Variants in MYO1E observed in about 807,000 individuals in gnomAD.
MYO1E encodes myosin IE, also known as unconventional myosin-Ie.
MYO1E carries 68 observed loss-of-function variants against 151.1 expected under a neutral mutation model. The observed-to-expected ratio is 0.45, with a 90% CI of 0.37 to 0.55. The LOEUF (loss-of-function observed/expected upper bound fraction) is 0.55. Among genes scored for constraint, MYO1E ranks in the 20% least tolerant of loss-of-function variants. The pLI is 0.00. For missense variants in MYO1E, 1,363 were observed against 1,389.3 expected (o/e 0.98, Z 0.30); for synonymous variants, 601 against 501.7 (o/e 1.20, Z -2.64).
intron 17 of MYO1E, among the ~76,000 whole-genome samples, chr15:59,195,019 C>T (rs1375703892): frequency 1.3e-5 from 2 of 152,198 alleles, no homozygotes; most frequent in African/African-American, 4.8e-5. Flanking sequence ...TCACGAGGCA[C>T]AGCAAATGCT....
At position 59,231,744 on chromosome 15, in the gene MYO1E, G is replaced by C. The variant is rs768004097; in HGVS notation, c.468C>G (p.Phe156Leu). ...ILQSNPLLEA[F>L]GNAKTVRNNN... ...TGTTCCGGACGGTCTTGGCGTTCCC[G>C]AAGGCCTCCAGCAGCGGGTTGGACT... Residue 156 changes from phenylalanine (F) to leucine (L), a missense_variant, in exon 6 of 28, where the codon TTC becomes TTG. Phe to Leu is a conservative substitution (Grantham distance 22). Transcript: ENST00000288235. 3 of 1,614,156 alleles carry C rather than the reference G, an allele frequency of 1.9e-6. No homozygotes were observed. In the East Asian group the frequency reaches 6.7e-5, roughly 36 times the overall value.
chr15:59,279,630 T>C (rs2080341470), intron 1 of MYO1E, among the ~76,000 whole-genome samples: 1 of 152,024 alleles, frequency 6.6e-6, no homozygotes, highest in Admixed American at 6.5e-5. Flanking sequence ...ACTGGGAAGA[T>C]CAAATAAGAC....
In MYO1E at chr15:59,178,388, C is replaced by G; in HGVS notation, c.2049+5G>C. Reference sequence around the variant, plus strand: ...AAGAGAGTGGAGAGCCAGCCAAGCACTCACAGACTCGGGGGCTTTGATGAA... The same window carrying G: ...AAGAGAGTGGAGAGCCAGCCAAGCAGTCACAGACTCGGGGGCTTTGATGAA... On this transcript the variant is annotated splice_donor_5th_base_variant and intron_variant, in intron 19 of 27. Coordinates refer to ENST00000288235, the MANE Select transcript of MYO1E (RefSeq NM_004998.4). 6.2e-7 allele frequency: 1 copy of G among 1,614,192 alleles called. No homozygotes were observed. Among genetic ancestry groups the G allele is most frequent in the Non-Finnish European group, 8.5e-7 (1 of 1,180,004 alleles).
At chr15:59,267,556 C>T (rs150272594) in intron 2 of MYO1E, among the ~76,000 whole-genome samples, 16 of 152,304 alleles carry the variant, frequency 1.1e-4, no homozygotes, top group African/African-American at 3.1e-4. Flanking sequence ...AGACCTCACT[C>T]GGAACAACTA....
intron 14 of MYO1E, chr15:59,206,815 CA>C (rs2140337039): frequency 4.2e-6 from 4 of 951,584 alleles, no homozygotes; most frequent in South Asian, 3.5e-5. Flanking sequence ...AGTAGAGGGC[CA>C]GGGGGCGGGG....
chr15:59,248,127 CAAAAAAAAAA>C lies in MYO1E; in HGVS notation c.332+8147_332+8156del, dbSNP rs138467126. Among the ~76,000 whole-genome samples, 251 of 35,908 alleles carry C rather than the reference CAAAAAAAAAA, an allele frequency of 7.0e-3. 2 individuals carry two copies. The highest frequency in any genetic ancestry group is 0.023 in the African/African-American group (211 of 9,336). 23.6% of individuals were successfully genotyped at this position (35,908 alleles called of 152,430 possible). ...TGGGTGACAGAATGAGACTCCGTCT[CAAAAAAAAAA>C]AAAAAAAAAAAAAAAAAGATAAATT... is the stretch of plus-strand genomic sequence containing the variant. On this transcript the variant is annotated intron_variant, in intron 4 of 27. Transcript: ENST00000288235.
chr15:59,325,990 G>A (rs968318474), intron 1 of MYO1E, among the ~76,000 whole-genome samples: 6 of 152,142 alleles, frequency 3.9e-5, no homozygotes, highest in African/African-American at 1.4e-4. Context: ...CAACAGCTAC[G>A]ACATTTAAAG....
In MYO1E at chr15:59,217,872, A is replaced by T; in HGVS notation, c.1107+19T>A. ...AGCTAAGATATGAAGCATCACCAGC[A>T]TCAACTTCTGTTACTTACATCTACC... On this transcript the variant is annotated intron_variant, in intron 10 of 27. Coordinates refer to ENST00000288235, the MANE Select transcript of MYO1E (RefSeq NM_004998.4). 6.2e-7 allele frequency: 1 copy of T among 1,613,000 alleles called. No homozygotes were observed. Among genetic ancestry groups the T allele is most frequent in the Non-Finnish European group, 8.5e-7 (1 of 1,179,028 alleles).
Position 59,134,734 on chromosome 15 carries a change from A to G in MYO1E, c.*2646T>C, listed in dbSNP as rs2079362561. 6.6e-6 allele frequency: 1 copy of G among 152,128 alleles called. No homozygotes were observed. The highest frequency in any genetic ancestry group is 1.5e-5 in the Non-Finnish European group (1 of 68,026). 9.4% of individuals were successfully genotyped at this position (152,128 alleles called of 1,614,324 possible). A position where few individuals can be genotyped will look rare whatever the true frequency, so the allele number is the denominator to read the frequency against. On this transcript the variant is annotated 3_prime_UTR_variant, in exon 28 of 28. Coordinates refer to ENST00000288235, the MANE Select transcript of MYO1E (RefSeq NM_004998.4). ...GTGCACATGAACACCCCTTATTTCA[A>G]ACAGGATGGCAAGTTCCAGAAGGTG...
At chr15:59,144,054 C>T (rs1157444685) in intron 26 of MYO1E, among the ~76,000 whole-genome samples, 8 of 152,126 alleles carry the variant, frequency 5.3e-5, no homozygotes, top group East Asian at 1.9e-4. Context: ...AGGAGGGGGA[C>T]GTGGGCTTGA....
At chr15:59,247,807 A>G (rs2080139141) in intron 4 of MYO1E, among the ~76,000 whole-genome samples, 1 of 152,192 alleles carries the variant, frequency 6.6e-6, no homozygotes. Flanking sequence ...AATCAGAAAT[A>G]CTTATCCCTA....
At chr15:59,230,892 T>C (rs909867886) in intron 6 of MYO1E, among the ~76,000 whole-genome samples, 1 of 152,228 alleles carries the variant, frequency 6.6e-6, no homozygotes, top group Non-Finnish European at 1.5e-5. Context: ...ACATGATCTA[T>C]GGTTGAAATA....
chr15:59,355,649 A>C (rs1300656324), intron 1 of MYO1E, among the ~76,000 whole-genome samples: 2 of 152,206 alleles, frequency 1.3e-5, no homozygotes, highest in African/African-American at 2.4e-5. Flanking sequence ...CAATTTTAAA[A>C]AGCAAATTGT....
intron 1 of MYO1E, among the ~76,000 whole-genome samples, chr15:59,318,049 C>G (rs2080600361): frequency 6.6e-6 from 1 of 152,128 alleles, no homozygotes; most frequent in South Asian, 2.1e-4. Flanking sequence ...TCTGCCTAAA[C>G]AGTAAATGGG....
intron 4 of MYO1E, among the ~76,000 whole-genome samples, chr15:59,248,811 T>C (rs2080146608): frequency 6.6e-6 from 1 of 152,340 alleles, no homozygotes; most frequent in South Asian, 2.1e-4. Flanking sequence ...GTGACTGCTG[T>C]GAGCTGATTT....
chr15:59,345,834 A>T (rs1196927829), intron 1 of MYO1E, among the ~76,000 whole-genome samples: 1 of 152,180 alleles, frequency 6.6e-6, no homozygotes, highest in Non-Finnish European at 1.5e-5. Flanking sequence ...TGGATTAAAG[A>T]GTTACTGTTA....
At chr15:59,347,105 G>A (rs1290768466) in intron 1 of MYO1E, among the ~76,000 whole-genome samples, 3 of 152,290 alleles carry the variant, frequency 2.0e-5, no homozygotes, top group South Asian at 4.1e-4. Context: ...CCATGGACCC[G>A]TGCTGGCAGT....
chr15:59,155,579 C>T (rs1215543683), intron 25 of MYO1E, among the ~76,000 whole-genome samples: 1 of 152,172 alleles, frequency 6.6e-6, no homozygotes, highest in African/African-American at 2.4e-5. Flanking sequence ...TCTGAGGCTA[C>T]TTTGGCCAAC....
At chr15:59,272,182 T>C in intron 2 of MYO1E, 124 bp downstream of exon 2, 8 of 1,107,682 alleles carry the variant, frequency 7.2e-6, no homozygotes, top group African/African-American at 1.5e-5. Context: ...CTGGAACTCC[T>C]GCCTTAGCCT....
Sources: allele counts gnomAD v4.1 joint callset (sites outside exome capture counted in the v4.1 genomes callset), GRCh38; gene constraint gnomAD v4.1.1; transcripts MANE v1.5; gene names NCBI Gene and HGNC (gene_info 2026-07-23, HGNC 2026-07-21).